Variants in CAPN14 observed in about 807,000 individuals in gnomAD.
CAPN14 encodes the protein calpain-14.
In CAPN14, 94 loss-of-function variants were observed where a neutral mutation model predicts 101.3. That is an observed-to-expected ratio of 0.93 (90% CI 0.79 to 1.10). The LOEUF (loss-of-function observed/expected upper bound fraction) is 1.10, where lower values mean the gene tolerates loss of function less well. Ranked by LOEUF, CAPN14 falls within the 50% of genes least tolerant of loss-of-function variation. The probability of loss-of-function intolerance (pLI) is 0.00; values close to 1 mark genes in which losing one functional copy is unlikely to be tolerated. For synonymous variants in CAPN14, 338 were observed against 317.9 expected, an observed-to-expected ratio of 1.06 and a Z score of -0.67; for missense variants, 837 against 828.4, an observed-to-expected ratio of 1.01 and a Z score of -0.13.
chr2:31,215,924 A>G, intron 1 of CAPN14, among the ~76,000 whole-genome samples: 1 of 152,086 alleles, frequency 6.6e-6, no homozygotes, highest in East Asian at 1.9e-4. Context: ...ATACAATTCC[A>G]TTCCTGGTTA....
At chr2:31,178,713 T>C in intron 17 of CAPN14, 134 bp from the exon 18 acceptor site, 1 of 596,520 alleles carries the variant, frequency 1.7e-6, no homozygotes, top group Non-Finnish European at 2.9e-6. Context: ...CTGATTTCGC[T>C]AGTTCGCCTC....
intron 20 of CAPN14, 80 bp downstream of exon 20, chr2:31,176,946 T>A: frequency 9.4e-7 from 1 of 1,061,018 alleles, no homozygotes; most frequent in Non-Finnish European, 1.4e-6. Context: ...TGTCCTCCCT[T>A]GTGCTTAAAC....
At chr2:31,188,600 G>A (rs1202946257) in intron 13 of CAPN14, among the ~76,000 whole-genome samples, 1 of 152,192 alleles carries the variant, frequency 6.6e-6, no homozygotes, top group Non-Finnish European at 1.5e-5. Context: ...ATGAGACTTA[G>A]TGGTCTGACG....
At chr2:31,177,646 A>G in intron 19 of CAPN14, 100 bp downstream of exon 19, 1 of 841,666 alleles carries the variant, frequency 1.2e-6, no homozygotes. Context: ...AACACTGCGT[A>G]TTAGAGTTAC....
Position 31,188,306 on chromosome 2 carries a change from C to G in CAPN14, c.1530+12G>C. On this transcript the variant is annotated intron_variant, in intron 14 of 21. Coordinates refer to ENST00000403897, the MANE Select transcript of CAPN14 (RefSeq NM_001145122.2). The stretch of plus-strand genomic sequence containing the variant: ...CAGTCCCAGCCATATGGAATTCCAC[C>G]AGACTACTCACCTTTGAGAAGACGA... 1.9e-6 allele frequency: 3 copies of G among 1,551,100 alleles called. No individual in the cohort carries two copies. Among genetic ancestry groups the G allele is most frequent in the Non-Finnish European group, 2.6e-6 (3 of 1,146,460 alleles).
Position 31,176,746 on chromosome 2 carries a change from C to T in CAPN14, c.1973-104G>A, listed in dbSNP as rs138879022. 1.2e-3 allele frequency: 1,305 copies of T among 1,077,644 alleles called. 22 individuals are homozygous for T. The African/African-American group carries it at 0.018, about 15-fold the overall frequency. 66.8% of individuals were successfully genotyped at this position (1,077,644 alleles called of 1,614,324 possible). On this transcript the variant is annotated intron_variant, in intron 20 of 21. Coordinates refer to ENST00000403897, the MANE Select transcript of CAPN14 (RefSeq NM_001145122.2). The stretch of plus-strand genomic sequence containing the variant: ...ACCTTAACCACATCCATTCTGAAAA[C>T]GTGAGGGAACCCAGTGTCAGCCTAC...
chr2:31,177,839 A>G lies in CAPN14; in HGVS notation c.1780-18T>C. The G allele has an allele frequency of 6.5e-7, 1 of 1,547,976 alleles. No individual in the cohort carries two copies. The highest frequency in any genetic ancestry group is 2.0e-5 in the Admixed American group (1 of 50,998). ...AAAACCTTCTGCAAAGAACCAAATA[A>G]GAGGTTCAGGAAGCCAGGCATTTCC... On this transcript the variant is annotated intron_variant, in intron 18 of 21. Coordinates refer to ENST00000403897, the MANE Select transcript of CAPN14 (RefSeq NM_001145122.2).
At chr2:31,187,142 C>A (rs1178174834) in intron 15 of CAPN14, among the ~76,000 whole-genome samples, 1 of 152,152 alleles carries the variant, frequency 6.6e-6, no homozygotes, top group Non-Finnish European at 1.5e-5. Flanking sequence ...AAATATCAGA[C>A]CCCAGATTTC....
At chr2:31,188,169 T>C in intron 14 of CAPN14, 149 bp downstream of exon 14, 1 of 728,964 alleles carries the variant, frequency 1.4e-6, no homozygotes, top group Admixed American at 2.4e-5. Flanking sequence ...CCAGGTACTG[T>C]TAGGATACAA....
chr2:31,193,055 A>G, intron 10 of CAPN14, 76 bp downstream of exon 10: 1 of 1,392,110 alleles, frequency 7.2e-7, no homozygotes. Flanking sequence ...TTCGTGCTGC[A>G]ACCCCCTGTG....
At position 31,205,490 on chromosome 2, in the gene CAPN14, T is replaced by C; in HGVS notation, c.-43A>G. The C allele has an allele frequency of 6.9e-7, 1 of 1,453,802 alleles. No homozygotes were observed. Among genetic ancestry groups the C allele is most frequent in the Non-Finnish European group, 9.4e-7 (1 of 1,058,460 alleles). The allele number at this position is 1,453,802 out of a possible 1,614,324, so 90.1% of individuals were successfully genotyped here. ...GTCCAGTGAGTCTTCCTGAGGAGTC[T>C]CTGCTGCTCCTGAAATGGAGAGAGG... is the stretch of plus-strand genomic sequence containing the variant. On this transcript the variant is annotated 5_prime_UTR_variant, in exon 2 of 22. Transcript: ENST00000403897.
chr2:31,176,355 A>G (rs1572383264), intron 21 of CAPN14, among the ~76,000 whole-genome samples: 1 of 152,244 alleles, frequency 6.6e-6, no homozygotes, highest in Non-Finnish European at 1.5e-5. Flanking sequence ...CATTATTGCA[A>G]TCAGAGTTAT....
intron 18 of CAPN14, 136 bp downstream of exon 18, chr2:31,178,375 C>T: frequency 1.5e-6 from 1 of 683,400 alleles, no homozygotes; most frequent in East Asian, 2.8e-5. Flanking sequence ...AGGAAATGCT[C>T]ACCGAAGGGA....
chr2:31,194,791 G>A (rs1025824565), intron 8 of CAPN14, among the ~76,000 whole-genome samples: 5 of 152,162 alleles, frequency 3.3e-5, no homozygotes, highest in African/African-American at 7.2e-5. Context: ...TCTATTAAAC[G>A]TCAGAGCTAA....
At chr2:31,198,585 A>C (rs1474422892) in intron 7 of CAPN14, among the ~76,000 whole-genome samples, 1 of 152,230 alleles carries the variant, frequency 6.6e-6, no homozygotes, top group Non-Finnish European at 1.5e-5. Context: ...TTGTTAATAA[A>C]TATGGAAATA....
chr2:31,207,738 C>G (rs1360480361), intron 1 of CAPN14, among the ~76,000 whole-genome samples: 1 of 152,096 alleles, frequency 6.6e-6, no homozygotes, highest in East Asian at 1.9e-4. Context: ...TGCACTCCAG[C>G]CTGGGAAGCA....
intron 17 of CAPN14, among the ~76,000 whole-genome samples, chr2:31,179,885 T>C (rs1254144162): frequency 3.9e-5 from 6 of 152,256 alleles, no homozygotes; most frequent in Non-Finnish European, 1.5e-5. Flanking sequence ...TCTGTTCATA[T>C]CAAGGCAGGA....
At chr2:31,223,937 G>A (rs1321204919) in intron 2 of CAPN14, among the ~76,000 whole-genome samples, 1 of 152,094 alleles carries the variant, frequency 6.6e-6, no homozygotes, top group Non-Finnish European at 1.5e-5. Flanking sequence ...CATATAACAG[G>A]CTCTCCATCA....
chr2:31,213,411 G>C (rs1242860121), intron 1 of CAPN14, among the ~76,000 whole-genome samples: 1 of 152,250 alleles, frequency 6.6e-6, no homozygotes, highest in African/African-American at 2.4e-5. Flanking sequence ...GGCTGCTTTC[G>C]CATTACAACA....
Sources: allele counts gnomAD v4.1 joint callset (sites outside exome capture counted in the v4.1 genomes callset), GRCh38; gene constraint gnomAD v4.1.1; transcripts MANE v1.5; gene names NCBI Gene and HGNC (gene_info 2026-07-23, HGNC 2026-07-21).